SMAD2: variants seen among roughly 807,000 people sequenced by gnomAD.
The protein encoded by SMAD2 is SMAD family member 2.
A neutral mutation model predicts 64.4 loss-of-function variants in SMAD2; 8 were observed. The ratio of observed to expected loss-of-function variants is 0.12; its 90% CI spans 0.07 to 0.22. The LOEUF is 0.22. Ranked by LOEUF, SMAD2 falls within the 10% of genes least tolerant of loss-of-function variation. SMAD2 has a pLI of 1.00. For synonymous variants in SMAD2, 203 were observed against 195.8 expected (o/e 1.04, Z -0.31); for missense variants, 289 against 561.2 (o/e 0.51, Z 4.90).
At chr18:47,862,612 C>T (rs1340878333) in intron 6 of SMAD2, among the ~76,000 whole-genome samples, 1 of 152,192 alleles carries the variant, frequency 6.6e-6, no homozygotes, top group Non-Finnish European at 1.5e-5. Context: ...TAAACAACTA[C>T]ATTTACAAAG....
intron 6 of SMAD2, among the ~76,000 whole-genome samples, chr18:47,856,622 C>T (rs1281757913): frequency 6.6e-6 from 1 of 152,072 alleles, no homozygotes; most frequent in Non-Finnish European, 1.5e-5. Flanking sequence ...CCCACTTCTC[C>T]CCCATGTCAC....
chr18:47,928,875 C>A (rs374000124), intron 1 of SMAD2, among the ~76,000 whole-genome samples: 5 of 152,206 alleles, frequency 3.3e-5, no homozygotes, highest in African/African-American at 9.6e-5. Flanking sequence ...TCAATTAAAT[C>A]CAGCAGAGTT....
intron 2 of SMAD2, among the ~76,000 whole-genome samples, chr18:47,881,925 T>C (rs957239734): frequency 3.3e-5 from 5 of 152,004 alleles, no homozygotes; most frequent in Non-Finnish European, 5.9e-5. Flanking sequence ...TCACCCAAAC[T>C]GGAGTGTGGT....
In SMAD2 at chr18:47,819,339, A is replaced by G. The variant is rs2144233125; in HGVS notation, c.*22488T>C. The G allele has an allele frequency of 6.6e-6, 1 of 152,332 alleles. No individual in the cohort carries two copies. Among genetic ancestry groups the G allele is most frequent in the Non-Finnish European group, 1.5e-5 (1 of 68,034 alleles). 9.4% of individuals were successfully genotyped at this position (152,332 alleles called of 1,614,324 possible). A position where few individuals can be genotyped will look rare whatever the true frequency, so the allele number is the denominator to read the frequency against. ...AAGTTGAACTAATTTTGTATTATTG[A>G]CTTCAGCTGTGTCCTCTGAGTTACT... is the stretch of plus-strand genomic sequence containing the variant. On this transcript the variant is annotated 3_prime_UTR_variant, in exon 11 of 11. Transcript: ENST00000262160.
chr18:47,929,589 TTC>T (rs922474668), intron 1 of SMAD2, among the ~76,000 whole-genome samples: 2 of 152,224 alleles, frequency 1.3e-5, no homozygotes, highest in African/African-American at 2.4e-5. Flanking sequence ...ACCTGGAAAT[TTC>T]TTTTTTAAAG....
chr18:47,900,740 T>C (rs908425607), intron 1 of SMAD2, among the ~76,000 whole-genome samples: 3 of 152,180 alleles, frequency 2.0e-5, no homozygotes, highest in Non-Finnish European at 2.9e-5. Flanking sequence ...ATAAATTTCA[T>C]CTTAGCATTT....
chr18:47,833,635 G>A lies in SMAD2; in HGVS notation c.*8192C>T, dbSNP rs1913129239. ...ATGTTCTAGCTGGTAAGCACCTTAT[G>A]AGTATGAGGCTACAATTGAGAGAAA... is the stretch of plus-strand genomic sequence containing the variant. On this transcript the variant is annotated 3_prime_UTR_variant, in exon 11 of 11. Coordinates refer to ENST00000262160, the MANE Select transcript of SMAD2 (RefSeq NM_005901.6). 4.3e-6 allele frequency: 1 copy of A among 230,926 alleles called. No individual in the cohort carries two copies. Among genetic ancestry groups the A allele is most frequent in the Admixed American group, 5.6e-5 (1 of 17,722 alleles). 14.3% of individuals were successfully genotyped at this position (230,926 alleles called of 1,614,324 possible). A position where few individuals can be genotyped will look rare whatever the true frequency, so the allele number is the denominator to read the frequency against.
chr18:47,927,319 G>A (rs559760612), intron 1 of SMAD2, among the ~76,000 whole-genome samples: 2 of 152,070 alleles, frequency 1.3e-5, no homozygotes, highest in African/African-American at 2.4e-5. Flanking sequence ...GTGACACTGA[G>A]TAACACTTCA....
At position 47,850,979 on chromosome 18, in the gene SMAD2, T is replaced by C. The variant is rs137996604; in HGVS notation, c.784+295A>G. Among the ~76,000 whole-genome samples the C allele has an allele frequency of 3.5e-5, 5 of 144,434 alleles. No homozygotes were observed. In the East Asian group the frequency reaches 1.0e-3, roughly 29 times the overall value. The allele number at this position is 144,434 out of a possible 152,430, so 94.8% of individuals were successfully genotyped here. The stretch of plus-strand genomic sequence containing the variant: ...TATTAATTACATCATAAAATAAACA[T>C]AACCATAAAAATCTAGCCATAACAG... On this transcript the variant is annotated intron_variant, in intron 7 of 10. Transcript: ENST00000262160.
intron 6 of SMAD2, among the ~76,000 whole-genome samples, chr18:47,862,631 C>T (rs2031270657): frequency 6.6e-6 from 1 of 152,170 alleles, no homozygotes; most frequent in Admixed American, 6.5e-5. Flanking sequence ...AGATGCTACT[C>T]CCAAACAAGG....
rs1913035200 is a variant in SMAD2 at position 47,832,482 on chromosome 18, T to C, written c.*9345A>G. ...TCAATGCCACGTAAAATAGTGTATT[T>C]TAGCATTTGAGGTCCCTTTTTGTTG... On this transcript the variant is annotated 3_prime_UTR_variant, in exon 11 of 11. Coordinates refer to ENST00000262160, the MANE Select transcript of SMAD2 (RefSeq NM_005901.6). 1 of 152,214 alleles carries C rather than the reference T, an allele frequency of 6.6e-6. No homozygotes were observed. The highest frequency in any genetic ancestry group is 2.1e-4 in the South Asian group (1 of 4,828). The allele number at this position is 152,214 out of a possible 1,614,324, so 9.4% of individuals were successfully genotyped here.
chr18:47,897,216 C>G (rs1158691746), intron 1 of SMAD2, among the ~76,000 whole-genome samples: 1 of 152,144 alleles, frequency 6.6e-6, no homozygotes, highest in Non-Finnish European at 1.5e-5. Flanking sequence ...CCCACTCTCC[C>G]CCGGGTTTTA....
rs566131813 is a variant in SMAD2 at position 47,866,717 on chromosome 18, A to C, written c.656-1584T>G. The C allele has an allele frequency of 2.0e-5, 3 of 152,174 alleles. No homozygotes were observed. The South Asian group carries it at 6.2e-4, about 32-fold the overall frequency. The allele number at this position is 152,174 out of a possible 1,614,324, so 9.4% of individuals were successfully genotyped here. A position where few individuals can be genotyped will look rare whatever the true frequency, so the allele number is the denominator to read the frequency against. On this transcript the variant is annotated intron_variant, in intron 5 of 10. Transcript: ENST00000262160. ...TTAGCATTTTTGAGAAAATGTTAAA[A>C]TTTCTTTTAAGTGGAATAAAATGTG...
At chr18:47,898,375 GA>G (rs1455715532) in intron 1 of SMAD2, among the ~76,000 whole-genome samples, 1 of 152,136 alleles carries the variant, frequency 6.6e-6, no homozygotes, top group Non-Finnish European at 1.5e-5. Flanking sequence ...GTGAAAAGAT[GA>G]AAAAGGCTGA....
chr18:47,919,090 A>G (rs2144536126), intron 1 of SMAD2, among the ~76,000 whole-genome samples: 1 of 152,110 alleles, frequency 6.6e-6, no homozygotes, highest in Non-Finnish European at 1.5e-5. Flanking sequence ...TCCAAGGAGG[A>G]AAAAAAATAG....
intron 1 of SMAD2, among the ~76,000 whole-genome samples, chr18:47,916,238 G>T (rs1326736245): frequency 2.0e-5 from 3 of 152,098 alleles, no homozygotes; most frequent in Non-Finnish European, 2.9e-5. Flanking sequence ...TCTGGTTGGG[G>T]TATCAAGATT....
intron 3 of SMAD2, 61 bp from the exon 4 acceptor site, chr18:47,869,497 A>G (rs2144380521): frequency 1.7e-6 from 2 of 1,162,614 alleles, no homozygotes. Flanking sequence ...AAAAAAGTGC[A>G]GTCAAATGGG....
Position 47,905,863 on chromosome 18 carries a change from G to A in SMAD2, c.-53-9054C>T, listed in dbSNP as rs544107949. Among the ~76,000 whole-genome samples, 4 of 152,258 alleles carry A rather than the reference G, an allele frequency of 2.6e-5. No homozygotes were observed. In the South Asian group the frequency reaches 6.2e-4, roughly 24 times the overall value. ...ATGGTGGCTCACACCTGTAATCCCA[G>A]CACTTTGGGAGGCCAAAATAGGAGG... On this transcript the variant is annotated intron_variant, in intron 1 of 10. Coordinates refer to ENST00000262160, the MANE Select transcript of SMAD2 (RefSeq NM_005901.6).
intron 1 of SMAD2, among the ~76,000 whole-genome samples, chr18:47,929,988 CA>C (rs1283598205): frequency 4.1e-4 from 60 of 144,724 alleles, no homozygotes; most frequent in Non-Finnish European, 4.0e-4. Flanking sequence ...GTTACGAGAC[CA>C]AAAAAAAAAA....
Sources: gnomAD v4.1 joint callset for allele counts (sites outside exome capture counted in the v4.1 genomes callset) on GRCh38, gnomAD v4.1.1 for gene constraint, MANE v1.5 for transcripts, NCBI Gene and HGNC (gene_info 2026-07-23, HGNC 2026-07-21) for gene names.